The following SLC9A5 variants were observed in gnomAD, a reference collection of about 807,000 sequenced individuals.
SLC9A5 encodes solute carrier family 9 member A5.
SLC9A5 carries 52 observed loss-of-function variants against 91.7 expected under a neutral mutation model. The ratio of observed to expected loss-of-function variants is 0.57; its 90% CI spans 0.45 to 0.71. The LOEUF (loss-of-function observed/expected upper bound fraction) is 0.71. SLC9A5 is among the 30% of genes least tolerant of loss of function. The pLI is 0.00. For synonymous variants in SLC9A5, 419 were observed against 474.5 expected (o/e 0.88, Z 1.52); for missense variants, 871 against 1,158.9 (o/e 0.75, Z 3.61).
rs1331301681 is a variant in SLC9A5, at chr16:67,259,887, C to T, written c.1783C>T (p.Arg595Cys). 6 of 1,613,938 alleles carry T rather than the reference C, an allele frequency of 3.7e-6. No homozygotes were observed. The highest frequency in any genetic ancestry group is 2.2e-5 in the East Asian group (1 of 44,900). The change falls in exon 12 of 16, where the codon CGT becomes TGT. Residue 595 changes from arginine to cysteine, a missense_variant. This residue lies in a region of SLC9A5 where 454 missense variants were observed against 718.3 expected (regional missense o/e 0.63). Transcript: ENST00000299798. The part of the protein sequence containing the change: ...VIDTVRSGRD[R>C]EDAVMHHLLC... ...TGACACAGTACGCAGCGGCCGGGAT[C>T]GTGAGGATGCTGTGATGCATCATCT... is the stretch of plus-strand genomic sequence containing the variant.
Position 67,255,452 on chromosome 16 carries a change from T to C in SLC9A5, c.714T>C (p.Thr238=), listed in dbSNP as rs1165201335. The C allele has an allele frequency of 6.2e-7, 1 of 1,613,958 alleles. No individual in the cohort carries two copies. Among genetic ancestry groups the C allele is most frequent in the African/African-American group, 1.3e-5 (1 of 74,942 alleles). ...VEMGSANVQA[T]DYLKGVASLF... ...TGGGCTCTGCCAATGTGCAGGCCAC[T>C]GACTACCTGAAGGGAGTCGGTCAGT... Residue 238 remains threonine, a synonymous_variant, in exon 4 of 16, where the codon ACT becomes ACC. Coordinates refer to ENST00000299798, the MANE Select transcript of SLC9A5 (RefSeq NM_004594.3). This position sits in a 1 kb window ranked among gnomAD's most constrained non-coding sequence, Gnocchi z 4.9.
At chr16:67,262,208 A>G (rs1471765709) in intron 12 of SLC9A5, 1 of 451,230 alleles carries the variant, frequency 2.2e-6, no homozygotes, top group Admixed American at 2.4e-5. Flanking sequence ...AACATGTTGA[A>G]CAGGATAGAG....
chr16:67,262,226 CAGA>C (rs1420798558), intron 12 of SLC9A5: 1 of 457,206 alleles, frequency 2.2e-6, no homozygotes, highest in Non-Finnish European at 4.4e-6. Context: ...GAGCTGAGGA[CAGA>C]GCCCTGTGGC....
chr16:67,264,293 G>A (rs2142375928), intron 12 of SLC9A5, 59 bp from the exon 13 acceptor site: 1 of 1,506,844 alleles, frequency 6.6e-7, no homozygotes, highest in African/African-American at 1.4e-5. Flanking sequence ...TGTGGCCTGG[G>A]GTTCTTGTGG....
chr16:67,255,968 G>T lies in SLC9A5; in HGVS notation c.911+38G>T. The T allele has an allele frequency of 6.3e-7, 1 of 1,599,704 alleles. No individual in the cohort carries two copies. Among genetic ancestry groups the T allele is most frequent in the Non-Finnish European group, 8.5e-7 (1 of 1,172,018 alleles). On this transcript the variant is annotated intron_variant, in intron 5 of 15. Transcript: ENST00000299798. This position sits in a 1 kb window ranked among gnomAD's most constrained non-coding sequence, Gnocchi z 4.9. ...GGCCTTGCAGGCAGATAGCTGGGAG[G>T]GGGCACTGGAGATGGTTGCCCCTCA...
In SLC9A5 at chr16:67,252,149, G is replaced by A. The variant is rs1467044507; in HGVS notation, c.188-393G>A. Among the ~76,000 whole-genome samples, 1 of 151,982 alleles carries A rather than the reference G, an allele frequency of 6.6e-6. No individual in the cohort carries two copies. The highest frequency in any genetic ancestry group is 1.5e-5 in the Non-Finnish European group (1 of 67,998). On this transcript the variant is annotated intron_variant, in intron 1 of 15. Coordinates refer to ENST00000299798, the MANE Select transcript of SLC9A5 (RefSeq NM_004594.3). This position sits in a 1 kb window ranked among gnomAD's most constrained non-coding sequence, Gnocchi z 4.0. ...AGTCTTGCATATTTCTCCTCCCTTGGTCCCAGTCTTAGAAGGTTGGCCAGG... is the reference window on the plus strand; with the variant it reads ...AGTCTTGCATATTTCTCCTCCCTTGATCCCAGTCTTAGAAGGTTGGCCAGG...
Position 67,249,147 on chromosome 16 carries a change from G to C in SLC9A5, c.133G>C (p.Glu45Gln). 1 of 1,563,938 alleles carries C rather than the reference G, an allele frequency of 6.4e-7. No individual in the cohort carries two copies. Among genetic ancestry groups the C allele is most frequent in the Non-Finnish European group, 8.6e-7 (1 of 1,160,854 alleles). Reference protein sequence around the residue: ...ELFRWQWHEVEAPYLVALWIL... With the variant: ...ELFRWQWHEVQAPYLVALWIL... ...CTTCCGCTGGCAGTGGCACGAGGTG[G>C]AGGCGCCCTACCTGGTGGCCCTGTG... Residue 45 changes from glutamate to glutamine, a missense_variant, in exon 1 of 16, where the codon GAG (glutamate) becomes CAG (glutamine). Physicochemically the swap from Glu to Gln is conservative, Grantham distance 29 (BLOSUM62 2). This residue lies in a region of SLC9A5 where 122 missense variants were observed against 114.5 expected (regional missense o/e 1.07). Transcript: ENST00000299798.
chr16:67,255,415 C>T lies in SLC9A5; in HGVS notation c.677C>T (p.Ser226Phe). ...CAGGTGCTGTACAAGGTCTGCAACT[C>T]CTTTGTGGAGATGGGCTCTGCCAAT... ...VTVVLYKVCN[S>F]FVEMGSANVQ... The change falls in exon 4 of 16, where the codon TCC becomes TTC. Residue 226 changes from serine to phenylalanine, a missense_variant. Physicochemically the swap from Ser to Phe is radical, Grantham distance 155. Around this residue, in one of 3 missense-constraint regions of SLC9A5, gnomAD observed 454 missense variants for 718.3 expected, o/e 0.63. Transcript: ENST00000299798. This position sits in a 1 kb window ranked among gnomAD's most constrained non-coding sequence, Gnocchi z 4.9. 1 of 1,614,068 alleles carries T rather than the reference C, an allele frequency of 6.2e-7. No individual in the cohort carries two copies. The highest frequency in any genetic ancestry group is 8.5e-7 in the Non-Finnish European group (1 of 1,179,960).
rs2035452847 is a variant in SLC9A5, at chr16:67,259,615, A to G, written c.1669A>G (p.Met557Val). The G allele has an allele frequency of 6.2e-7, 1 of 1,613,958 alleles. No individual in the cohort carries two copies. ...LSSTGLTLPSMPSRNSVAETS... is the reference protein window; with the variant it reads ...LSSTGLTLPSVPSRNSVAETS... ...TTCCACAGGTCTCACTCTGCCTTCT[A>G]TGCCCAGCCGCAATTCTGTGGCAGA... Residue 557 changes from methionine (M) to valine (V), a missense_variant, in exon 11 of 16, where the codon ATG becomes GTG. Around this residue, in one of 3 missense-constraint regions of SLC9A5, gnomAD observed 454 missense variants for 718.3 expected, o/e 0.63. Transcript: ENST00000299798.
intron 1 of SLC9A5, among the ~76,000 whole-genome samples, chr16:67,249,614 T>C (rs1441913372): frequency 1.3e-5 from 2 of 152,164 alleles, no homozygotes; most frequent in African/African-American, 4.8e-5. Flanking sequence ...AACACAGGCA[T>C]CCTGGTTCTG....
In SLC9A5 at chr16:67,261,927, GGT is replaced by G. The variant is rs56311190; in HGVS notation, c.1842+2012_1842+2013del. ...CAGGAAGTACATAATGATTTGGTGA[GGT>G]GTGTGTGTGTGTGTGTGTGTGTGTG... is the stretch of plus-strand genomic sequence containing the variant. On this transcript the variant is annotated intron_variant, in intron 12 of 15. Coordinates refer to ENST00000299798, the MANE Select transcript of SLC9A5 (RefSeq NM_004594.3). 80 of 151,822 alleles carry G rather than the reference GGT, an allele frequency of 5.3e-4. No individual in the cohort carries two copies. In the Middle Eastern group the frequency reaches 9.5e-3, roughly 18 times the overall value. 9.4% of individuals were successfully genotyped at this position (151,822 alleles called of 1,614,324 possible).
rs55690921 is a variant in SLC9A5 at position 67,270,988 on chromosome 16, A to C, written c.2469A>C (p.Glu823Asp). 584 of 1,614,004 alleles carry C rather than the reference A, an allele frequency of 3.6e-4. 4 individuals are homozygous for C. In the Middle Eastern group the frequency reaches 0.017, roughly 46 times the overall value. ...TGCCTCCCCATCCACGGGGCACTGA[A>C]GAGCCCCAGGTCCCTCTCCACCTAC... ...TCLPPHPRGT[E>D]EPQVPLHLPS... Residue 823 changes from glutamate (E) to aspartate (D), a missense_variant, in exon 16 of 16, where the codon GAA becomes GAC. Physicochemically the swap from Glu to Asp is conservative, Grantham distance 45. Transcript: ENST00000299798. This position sits in a 1 kb window ranked among gnomAD's most constrained non-coding sequence, Gnocchi z 4.3.
At chr16:67,260,036 T>G in intron 12 of SLC9A5, 90 bp downstream of exon 12, 43 of 1,514,342 alleles carry the variant, frequency 2.8e-5, no homozygotes, top group Non-Finnish European at 3.8e-5. Context: ...GTTGGAGAGC[T>G]GCAGATGCCC....
Position 67,249,145 on chromosome 16 carries a change from T to A in SLC9A5, c.131T>A (p.Val44Glu). 1 of 1,560,220 alleles carries A rather than the reference T, an allele frequency of 6.4e-7. No individual in the cohort carries two copies. The highest frequency in any genetic ancestry group is 8.6e-7 in the Non-Finnish European group (1 of 1,158,892). Residue 44 changes from valine (V) to glutamate (E), a missense_variant, in exon 1 of 16, where the codon GTG becomes GAG. Physicochemically the swap from Val to Glu is moderately radical, Grantham distance 121. Around this residue, in one of 3 missense-constraint regions of SLC9A5, gnomAD observed 122 missense variants for 114.5 expected, o/e 1.07. Coordinates refer to ENST00000299798, the MANE Select transcript of SLC9A5 (RefSeq NM_004594.3). The stretch of plus-strand genomic sequence containing the variant: ...CTCTTCCGCTGGCAGTGGCACGAGG[T>A]GGAGGCGCCCTACCTGGTGGCCCTG... Reference protein sequence around the residue: ...LELFRWQWHEVEAPYLVALWI... With the variant: ...LELFRWQWHEEEAPYLVALWI...
intron 13 of SLC9A5, 69 bp from the exon 14 acceptor site, chr16:67,264,971 C>G: frequency 6.6e-7 from 1 of 1,513,554 alleles, no homozygotes; most frequent in South Asian, 1.1e-5. Context: ...TCCTGTTGAC[C>G]CCACCAGATG....
At chr16:67,260,564 G>C (rs890592481) in intron 12 of SLC9A5, among the ~76,000 whole-genome samples, 4 of 152,064 alleles carry the variant, frequency 2.6e-5, no homozygotes, top group Admixed American at 1.3e-4. Context: ...AAATATTGTG[G>C]ATTAGGGCTG....
In SLC9A5 at chr16:67,258,295, G is replaced by A; in HGVS notation, c.1497-23G>A. ...CCAGGCCTTGGGAATGGGACTCAGG[G>A]CCGGGCCTGGCATCCTCTGTAGGTG... On this transcript the variant is annotated intron_variant, in intron 9 of 15. Transcript: ENST00000299798. The surrounding 1 kb of genome is among the most constrained non-coding windows in gnomAD (Gnocchi z 4.5). 6.2e-7 allele frequency: 1 copy of A among 1,612,520 alleles called. No individual in the cohort carries two copies. The highest frequency in any genetic ancestry group is 8.5e-7 in the Non-Finnish European group (1 of 1,179,794).
chr16:67,268,620 T>G (rs1376280012), intron 15 of SLC9A5, among the ~76,000 whole-genome samples: 2 of 133,886 alleles, frequency 1.5e-5, no homozygotes, highest in Non-Finnish European at 3.2e-5. Context: ...TTCCCATATC[T>G]AAAAATCTGT....
In SLC9A5 at chr16:67,268,708, ATATT is replaced by A. The variant is rs1223444143; in HGVS notation, c.2219-2028_2219-2025del. 3.1e-3 allele frequency among the ~76,000 whole-genome samples: 292 copies of A among 92,712 alleles called. 27 individuals carry two copies. The highest frequency in any genetic ancestry group is 0.011 in the African/African-American group (247 of 22,530). 60.8% of individuals were successfully genotyped at this position (92,712 alleles called of 152,430 possible). On this transcript the variant is annotated intron_variant, in intron 15 of 15. Coordinates refer to ENST00000299798, the MANE Select transcript of SLC9A5 (RefSeq NM_004594.3). ...TATATATATATATATATATATATAT[ATATT>A]TTTACAGTAGGCTTGTCCAATGTCC... is the stretch of plus-strand genomic sequence containing the variant.
Sources: gnomAD v4.1 joint callset for allele counts (sites outside exome capture counted in the v4.1 genomes callset) on GRCh38, gnomAD v4.1.1 for gene constraint, gnomAD v4.1.1 regional missense constraint, Gnocchi (gnomAD v3.1) non-coding constraint, MANE v1.5 for transcripts, NCBI Gene and HGNC (gene_info 2026-07-23, HGNC 2026-07-21) for gene names.